ACAT1: variants seen among roughly 807,000 people sequenced by gnomAD.
The protein encoded by ACAT1 is acetyl-CoA acetyltransferase 1.
Under a neutral mutation model 47.3 loss-of-function variants are expected in ACAT1, and 28 were observed. The observed-to-expected ratio is 0.59, with a 90% CI of 0.44 to 0.81. The LOEUF (loss-of-function observed/expected upper bound fraction) is 0.81. Among genes scored for constraint, ACAT1 ranks in the 30% least tolerant of loss-of-function variants. ACAT1 has a pLI of 0.00. For synonymous variants in ACAT1, 181 were observed against 173.6 expected, an observed-to-expected ratio of 1.04 and a Z score of -0.34; for missense variants, 469 against 524.3, an observed-to-expected ratio of 0.89 and a Z score of 1.03.
intron 2 of ACAT1, among the ~76,000 whole-genome samples, chr11:108,133,443 C>T (rs2077401192): frequency 6.6e-6 from 1 of 152,084 alleles, no homozygotes; most frequent in Non-Finnish European, 1.5e-5. Context: ...TATGATTGTG[C>T]CACTGCATTC....
intron 7 of ACAT1, among the ~76,000 whole-genome samples, chr11:108,141,369 CA>C (rs60002941): frequency 0.024 from 1,655 of 69,284 alleles, 19 homozygotes; most frequent in African/African-American, 0.072. Context: ...AACCCTGCCT[CA>C]AAAAAAAAAA....
intron 1 of ACAT1, among the ~76,000 whole-genome samples, chr11:108,125,548 T>C (rs1239875645): frequency 1.3e-5 from 2 of 152,078 alleles, no homozygotes; most frequent in African/African-American, 4.8e-5. Flanking sequence ...AATAAAGATA[T>C]TCATATAAAA....
chr11:108,136,875 T>A (rs2077478187), intron 5 of ACAT1: 1 of 152,252 alleles, frequency 6.6e-6, no homozygotes, highest in Non-Finnish European at 1.5e-5. Flanking sequence ...GATTAAAGAC[T>A]GTAAGAAGAT....
chr11:108,143,756 T>A (rs904017530), intron 9 of ACAT1: 4 of 407,092 alleles, frequency 9.8e-6, no homozygotes, highest in Middle Eastern at 7.3e-4. Context: ...GTGGTGCCAA[T>A]GTTCCTAGAG....
chr11:108,121,602 C>A lies in ACAT1; in HGVS notation c.-5C>A, dbSNP rs747790910. 1 of 1,550,552 alleles carries A rather than the reference C, an allele frequency of 6.4e-7. No homozygotes were observed. Among genetic ancestry groups the A allele is most frequent in the Non-Finnish European group, 8.7e-7 (1 of 1,147,148 alleles). On this transcript the variant is annotated 5_prime_UTR_variant, in exon 1 of 12. Transcript: ENST00000265838. Reference sequence around the variant, plus strand: ...TGTGGAGCCGATACTCAGCCCTCTGCGACCATGGCTGTGCTGGCGGCACTT... The same window carrying A: ...TGTGGAGCCGATACTCAGCCCTCTGAGACCATGGCTGTGCTGGCGGCACTT...
rs908924449 is a variant in ACAT1, at chr11:108,121,645, C to A, written c.39C>A (p.Arg13=). 1.9e-6 allele frequency: 3 copies of A among 1,550,186 alleles called. No individual in the cohort carries two copies. In the African/African-American group the frequency reaches 4.1e-5, roughly 21 times the overall value. Residue 13 remains arginine (R), a synonymous_variant, in exon 1 of 12, where the codon CGC becomes CGA. Transcript: ENST00000265838. ...CGGCACTTCTGCGCAGCGGCGCCCG[C>A]AGCCGCAGCCCCCTGCTCCGGAGGC... ...VLAALLRSGA[R]SRSPLLRRLV...
rs904540967 is a variant in ACAT1 at position 108,138,763 on chromosome 11, C to T, written c.436-135C>T. On this transcript the variant is annotated intron_variant, in intron 5 of 11. Coordinates refer to ENST00000265838, the MANE Select transcript of ACAT1 (RefSeq NM_000019.4). ...TCAGGGTGAAGTGGTAAAGAGGGTA[C>T]TTCCTGTATTCACTGTGTAACAAAT... 6.1e-6 allele frequency: 6 copies of T among 990,406 alleles called. No homozygotes were observed. The Admixed American group carries it at 7.1e-5, about 12-fold the overall frequency. 61.4% of individuals were successfully genotyped at this position (990,406 alleles called of 1,614,324 possible).
upstream of ACAT1, among the ~76,000 whole-genome samples, chr11:108,118,973 G>A (rs192775924): frequency 1.2e-4 from 18 of 152,248 alleles, no homozygotes; most frequent in East Asian, 3.3e-3. Flanking sequence ...TGTCTCCTAA[G>A]ACACAACTAG....
At chr11:108,121,376 C>T (rs944626646), upstream of ACAT1, 1 of 593,438 alleles carries the variant, frequency 1.7e-6, no homozygotes, top group Non-Finnish European at 3.0e-6. Context: ...GACCCCAGCG[C>T]CAGTGTCTCC....
chr11:108,139,983 A>T, intron 6 of ACAT1, 82 bp from the exon 7 acceptor site: 3 of 1,483,908 alleles, frequency 2.0e-6, no homozygotes, highest in Non-Finnish European at 2.8e-6. Flanking sequence ...GTTAACTATT[A>T]AACACTATAA....
chr11:108,138,752 TAA>T, intron 5 of ACAT1, 144 bp from the exon 6 acceptor site: 1 of 923,422 alleles, frequency 1.1e-6, no homozygotes. Context: ...GGTGAAGTGG[TAA>T]AGAGGGTACT....
At chr11:108,136,941 C>T (rs1042099388) in intron 5 of ACAT1, 2 of 148,690 alleles carry the variant, frequency 1.3e-5, no homozygotes, top group Non-Finnish European at 3.0e-5. Context: ...TTAACTAGCC[C>T]TTATAATGCA....
upstream of ACAT1, chr11:108,121,166 A>AGAT: frequency 3.7e-6 from 1 of 268,952 alleles, no homozygotes; most frequent in Admixed American, 5.0e-5. Flanking sequence ...ACGTCACTGC[A>AGAT]CTCCAGCTTG....
upstream of ACAT1, among the ~76,000 whole-genome samples, chr11:108,117,295 G>C (rs896079834): frequency 6.6e-6 from 1 of 151,284 alleles, no homozygotes; most frequent in African/African-American, 2.4e-5. Context: ...GACAGAGCAA[G>C]GCTCTGTCTC....
chr11:108,120,534 C>T (rs1479013178), upstream of ACAT1, among the ~76,000 whole-genome samples: 8 of 106,058 alleles, frequency 7.5e-5, no homozygotes, highest in Non-Finnish European at 1.3e-4. Context: ...AGAGCGAGAC[C>T]CTATCTTAAA....
At chr11:108,139,199 C>A in intron 6 of ACAT1, 158 bp downstream of exon 6, 2 of 908,548 alleles carry the variant, frequency 2.2e-6, no homozygotes, top group Non-Finnish European at 3.4e-6. Flanking sequence ...CCTATTGCAT[C>A]GGCATGGCTC....
Position 108,133,945 on chromosome 11 carries a change from G to A in ACAT1, c.238+8G>A. 6.2e-7 allele frequency: 1 copy of A among 1,610,050 alleles called. No homozygotes were observed. The highest frequency in any genetic ancestry group is 2.2e-5 in the East Asian group (1 of 44,832). On this transcript the variant is annotated splice_region_variant and intron_variant, in intron 3 of 11. Transcript: ENST00000265838. ...GAGCCATTGAAAAGGCAGGTCAGTAGTTACTTGGCTTTTTGTGTTAAGGGA... is the reference window on the plus strand; with the variant it reads ...GAGCCATTGAAAAGGCAGGTCAGTAATTACTTGGCTTTTTGTGTTAAGGGA...
intron 10 of ACAT1, 144 bp from the exon 11 acceptor site, chr11:108,146,058 C>G (rs1011757036): frequency 2.6e-5 from 20 of 764,916 alleles, no homozygotes; most frequent in Middle Eastern, 4.0e-4. Context: ...AAAAAAAAAT[C>G]TGAAAATAGA....
At chr11:108,139,707 C>T (rs2077548405) in intron 6 of ACAT1, among the ~76,000 whole-genome samples, 1 of 152,118 alleles carries the variant, frequency 6.6e-6, no homozygotes, top group African/African-American at 2.4e-5. Flanking sequence ...GTTGCCCAGG[C>T]TGGAGTGCAG....
Sources: allele counts gnomAD v4.1 joint callset (sites outside exome capture counted in the v4.1 genomes callset), GRCh38; gene constraint gnomAD v4.1.1; transcripts MANE v1.5; gene names NCBI Gene and HGNC (gene_info 2026-07-23, HGNC 2026-07-21).